MACROD2: variants seen among roughly 807,000 people sequenced by gnomAD.
MACROD2 encodes the protein mono-ADP ribosylhydrolase 2, also known as ADP-ribose glycohydrolase MACROD2.
A neutral mutation model predicts 70.4 loss-of-function variants in MACROD2; 36 were observed. The observed-to-expected ratio is 0.51, with a 90% CI of 0.39 to 0.68. MACROD2 has a LOEUF of 0.68. MACROD2 is among the 30% of genes least tolerant of loss of function. The probability of loss-of-function intolerance (pLI) is 0.00; values close to 1 mark genes in which losing one functional copy is unlikely to be tolerated. For synonymous variants in MACROD2, 172 were observed against 178.8 expected, an observed-to-expected ratio of 0.96 and a Z score of 0.30; for missense variants, 496 against 538.4, an observed-to-expected ratio of 0.92 and a Z score of 0.78.
At chr20:14,984,619 T>C (rs1398301569) in intron 5 of MACROD2, among the ~76,000 whole-genome samples, 1 of 152,108 alleles carries the variant, frequency 6.6e-6, no homozygotes, top group East Asian at 1.9e-4. Flanking sequence ...ATCTAATAAA[T>C]AGTAGTAAGT....
Position 15,922,395 on chromosome 20 carries a change from CCAA to C in MACROD2, c.776-10880_776-10878del, listed in dbSNP as rs893746921. On this transcript the variant is annotated intron_variant, in intron 10 of 17. Coordinates refer to ENST00000684519, the MANE Select transcript of MACROD2 (RefSeq NM_001351661.2). ...AAAGTAGTATCATTTCAACATACAA[CCAA>C]TATGAAAATCGTTCCTTAGATATTT... Among the ~76,000 whole-genome samples, 29 of 152,326 alleles carry C rather than the reference CCAA, an allele frequency of 1.9e-4. 1 individual carries two copies. The highest frequency in any genetic ancestry group is 1.9e-4 in the East Asian group (1 of 5,184).
chr20:14,059,431 A>G (rs2053667663), intron 2 of MACROD2, among the ~76,000 whole-genome samples: 2 of 152,198 alleles, frequency 1.3e-5, no homozygotes, highest in African/African-American at 4.8e-5. Context: ...TTGATGGTCA[A>G]AAATAGGTAA....
At chr20:15,684,850 T>C (rs548911934) in intron 8 of MACROD2, among the ~76,000 whole-genome samples, 1 of 152,276 alleles carries the variant, frequency 6.6e-6, no homozygotes, top group South Asian at 2.1e-4. Context: ...TATATAGAAA[T>C]GTTAGACCAT....
intron 13 of MACROD2, among the ~76,000 whole-genome samples, chr20:15,982,389 G>A (rs1220851965): frequency 6.6e-6 from 1 of 152,142 alleles, no homozygotes; most frequent in East Asian, 1.9e-4. Context: ...AAGGTCAGTT[G>A]AAGTCTTTAC....
At position 14,631,234 on chromosome 20, in the gene MACROD2, A is replaced by G. The variant is rs6110365; in HGVS notation, c.302-53609A>G. ...CAAAAGAGGAGATTTACAGCAACCA[A>G]TCAGAAGGGGCCCAGTTTACCTGAG... On this transcript the variant is annotated intron_variant, in intron 4 of 17. Coordinates refer to ENST00000684519, the MANE Select transcript of MACROD2 (RefSeq NM_001351661.2). Among the ~76,000 whole-genome samples the G allele has an allele frequency of 3.4e-3, 519 of 152,246 alleles. 3 individuals are homozygous for G. The highest frequency in any genetic ancestry group is 0.012 in the African/African-American group (480 of 41,558).
At chr20:16,041,021 A>T (rs1451785838) in intron 15 of MACROD2, among the ~76,000 whole-genome samples, 180 bp from the exon 16 acceptor site, 1 of 152,050 alleles carries the variant, frequency 6.6e-6, no homozygotes, top group Non-Finnish European at 1.5e-5. Flanking sequence ...TTAGAAGGCC[A>T]CACAAAAGTA....
intron 7 of MACROD2, among the ~76,000 whole-genome samples, chr20:15,475,109 G>A (rs2146441866): frequency 6.6e-6 from 1 of 152,208 alleles, no homozygotes; most frequent in African/African-American, 2.4e-5. Context: ...ATTTTATTAG[G>A]TATTATAAGT....
chr20:14,590,460 A>G (rs1316471434), intron 4 of MACROD2, among the ~76,000 whole-genome samples: 3 of 152,198 alleles, frequency 2.0e-5, no homozygotes, highest in Admixed American at 6.5e-5. Flanking sequence ...CTTAGGTAGG[A>G]CACATTCAAA....
chr20:14,553,984 T>C (rs939698779), intron 4 of MACROD2, among the ~76,000 whole-genome samples: 1 of 152,182 alleles, frequency 6.6e-6, no homozygotes, highest in East Asian at 1.9e-4. Flanking sequence ...CAGCTGTTCA[T>C]AGAACTCAAC....
chr20:14,727,422 C>A (rs1173892114), intron 5 of MACROD2, among the ~76,000 whole-genome samples: 1 of 152,060 alleles, frequency 6.6e-6, no homozygotes, highest in East Asian at 1.9e-4. Flanking sequence ...GTGGTCACAG[C>A]TACTTGGGAG....
intron 9 of MACROD2, among the ~76,000 whole-genome samples, chr20:15,865,190 T>G (rs544607495): frequency 3.3e-4 from 50 of 152,108 alleles, no homozygotes; most frequent in Non-Finnish European, 6.0e-4. Context: ...TGGGGTACTT[T>G]AATCCCATGT....
At chr20:14,898,035 C>A (rs1472044573) in intron 5 of MACROD2, among the ~76,000 whole-genome samples, 2 of 152,172 alleles carry the variant, frequency 1.3e-5, no homozygotes, top group East Asian at 1.9e-4. Flanking sequence ...TGAGGGGAAA[C>A]AAACATTCAA....
At chr20:15,834,500 G>A (rs919538987) in intron 8 of MACROD2, among the ~76,000 whole-genome samples, 10 of 152,168 alleles carry the variant, frequency 6.6e-5, no homozygotes, top group East Asian at 3.9e-4. Context: ...CCGTTGCCCC[G>A]GTTAGATTCA....
chr20:15,971,227 T>A (rs2066225529), intron 13 of MACROD2, among the ~76,000 whole-genome samples: 1 of 152,156 alleles, frequency 6.6e-6, no homozygotes, highest in Non-Finnish European at 1.5e-5. Context: ...GTTCAGAGAA[T>A]CTTGAGATTC....
At chr20:15,462,094 A>G (rs1328061295) in intron 7 of MACROD2, among the ~76,000 whole-genome samples, 2 of 152,200 alleles carry the variant, frequency 1.3e-5, no homozygotes, top group Non-Finnish European at 2.9e-5. Flanking sequence ...TGAAAATTAT[A>G]TGTCTGTAAG....
chr20:15,365,506 A>G (rs1346580122), intron 6 of MACROD2, among the ~76,000 whole-genome samples: 2 of 152,014 alleles, frequency 1.3e-5, no homozygotes, highest in East Asian at 3.9e-4. Context: ...CTAAAAATAC[A>G]GAAAATTAGC....
rs11907303 is a variant in MACROD2, at chr20:14,418,506, T to G, written c.272-74973T>G. Among the ~76,000 whole-genome samples the G allele has an allele frequency of 4.4e-3, 671 of 152,286 alleles. 3 individuals are homozygous for G. Among genetic ancestry groups the G allele is most frequent in the South Asian group, 0.013 (61 of 4,820 alleles). ...CTACTTCAACTCCCTTAATTTACAG[T>G]TGAAGGGATCCGTGGAGAAAGTTAC... is the stretch of plus-strand genomic sequence containing the variant. On this transcript the variant is annotated intron_variant, in intron 3 of 17. Coordinates refer to ENST00000684519, the MANE Select transcript of MACROD2 (RefSeq NM_001351661.2).
intron 2 of MACROD2, among the ~76,000 whole-genome samples, chr20:14,057,620 T>C (rs1341532584): frequency 1.3e-5 from 2 of 152,180 alleles, no homozygotes; most frequent in East Asian, 1.9e-4. Context: ...TTCTGAAAAC[T>C]AGCAACACCT....
At chr20:15,120,755 A>T (rs1449365460) in intron 5 of MACROD2, among the ~76,000 whole-genome samples, 2 of 151,966 alleles carry the variant, frequency 1.3e-5, no homozygotes, top group African/African-American at 4.8e-5. Flanking sequence ...CAATGAACTC[A>T]CTCCATTCAT....
Sources: allele counts gnomAD v4.1 joint callset (sites outside exome capture counted in the v4.1 genomes callset), GRCh38; gene constraint gnomAD v4.1.1; transcripts MANE v1.5; gene names NCBI Gene and HGNC (gene_info 2026-07-23, HGNC 2026-07-21).